PHKB: variants seen among roughly 807,000 people sequenced by gnomAD.
The protein encoded by PHKB is phosphorylase b kinase regulatory subunit beta.
In PHKB, 122 loss-of-function variants were observed where a neutral mutation model predicts 152.1. The observed-to-expected ratio is 0.80, with a 90% CI of 0.69 to 0.93. PHKB has a LOEUF of 0.93. PHKB is among the 40% of genes least tolerant of loss of function. The probability of loss-of-function intolerance (pLI) is 0.00; values close to 1 mark genes in which losing one functional copy is unlikely to be tolerated. For synonymous variants in PHKB, 436 were observed against 464.9 expected (o/e 0.94, Z 0.80); for missense variants, 1,304 against 1,328.4 (o/e 0.98, Z 0.29).
chr16:47,568,950 A>G lies in PHKB; in HGVS notation c.711-11345A>G, dbSNP rs111986127. Among the ~76,000 whole-genome samples the G allele has an allele frequency of 3.9e-3, 598 of 152,318 alleles. 4 individuals carry two copies. Among genetic ancestry groups the G allele is most frequent in the African/African-American group, 0.013 (550 of 41,576 alleles). On this transcript the variant is annotated intron_variant, in intron 7 of 30. Transcript: ENST00000323584. The stretch of plus-strand genomic sequence containing the variant: ...TGTGTTGTGTCCTGTTATATGGTCT[A>G]TCTTGGAAAATGTTCCATGTGCTGA...
At chr16:47,510,728 T>C (rs1046864324) in intron 4 of PHKB, among the ~76,000 whole-genome samples, 1 of 152,138 alleles carries the variant, frequency 6.6e-6, no homozygotes, top group African/African-American at 2.4e-5. Context: ...AGAAGAAGAA[T>C]TTTTAAAGAT....
rs1444574324 is a variant in PHKB at position 47,505,719 on chromosome 16, CAT to C, written c.405+2632_405+2633del. Among the ~76,000 whole-genome samples, 9 of 152,212 alleles carry C rather than the reference CAT, an allele frequency of 5.9e-5. No homozygotes were observed. The East Asian group carries it at 1.7e-3, about 29-fold the overall frequency. ...TTTTGTTTATTTTTTATCATACAAA[CAT>C]ATTGTTTTAATTTGCACTTGAAAAT... On this transcript the variant is annotated intron_variant, in intron 4 of 30. Transcript: ENST00000323584.
intron 6 of PHKB, among the ~76,000 whole-genome samples, chr16:47,543,853 T>C (rs978076566): frequency 6.6e-6 from 1 of 152,202 alleles, no homozygotes; most frequent in Non-Finnish European, 1.5e-5. Context: ...GATATCCCCT[T>C]TATCATTTTT....
chr16:47,670,493 GT>G (rs909757697), intron 26 of PHKB, among the ~76,000 whole-genome samples: 47 of 151,922 alleles, frequency 3.1e-4, no homozygotes, highest in African/African-American at 1.1e-3. Context: ...TTATGTAGTT[GT>G]TTTTTGTTTT....
At chr16:47,578,002 AT>A (rs1032372479) in intron 7 of PHKB, among the ~76,000 whole-genome samples, 3 of 151,742 alleles carry the variant, frequency 2.0e-5, no homozygotes, top group Admixed American at 2.0e-4. Flanking sequence ...GGCGCTGATC[AT>A]TTTTTTCCAT....
chr16:47,464,054 G>A (rs905012022), intron 1 of PHKB: 14 of 1,067,822 alleles, frequency 1.3e-5, no homozygotes, highest in African/African-American at 1.2e-4. Context: ...GTTTCTGAAG[G>A]TTGATTTCAC....
Position 47,479,415 on chromosome 16 carries a change from C to A in PHKB, c.77-17984C>A, listed in dbSNP as rs528211467. ...GTCTAATTTTGATCTCTGGCATCTT[C>A]AACATCTCACACCCTCTCTTCTTCC... On this transcript the variant is annotated intron_variant, in intron 1 of 30. Transcript: ENST00000323584. Among the ~76,000 whole-genome samples, 124 of 152,028 alleles carry A rather than the reference C, an allele frequency of 8.2e-4. 1 individual carries two copies. Among genetic ancestry groups the A allele is most frequent in the African/African-American group, 2.8e-3 (118 of 41,484 alleles).
intron 27 of PHKB, among the ~76,000 whole-genome samples, chr16:47,692,276 G>C (rs1974074214): frequency 1.3e-5 from 2 of 152,084 alleles, no homozygotes; most frequent in Non-Finnish European, 2.9e-5. Flanking sequence ...CCTTGTAATT[G>C]AGTATACATT....
chr16:47,473,289 G>T (rs1037799775), intron 1 of PHKB, among the ~76,000 whole-genome samples: 2 of 129,130 alleles, frequency 1.5e-5, no homozygotes, highest in African/African-American at 5.9e-5. Context: ...TGCCCAGGCT[G>T]GTCTGGAACT....
chr16:47,541,475 A>T (rs1971057310), intron 6 of PHKB, among the ~76,000 whole-genome samples: 1 of 152,188 alleles, frequency 6.6e-6, no homozygotes, highest in Non-Finnish European at 1.5e-5. Flanking sequence ...ATGTGTCTTT[A>T]TAGTAGCATG....
At chr16:47,525,482 A>G (rs908150324) in intron 6 of PHKB, among the ~76,000 whole-genome samples, 3 of 152,198 alleles carry the variant, frequency 2.0e-5, no homozygotes, top group Admixed American at 6.5e-5. Flanking sequence ...ATGACTGTCA[A>G]TCTGAATTGA....
At chr16:47,547,379 G>A (rs761303355) in intron 6 of PHKB, 54 bp from the exon 7 acceptor site, 49 of 1,092,352 alleles carry the variant, frequency 4.5e-5, no homozygotes, top group Admixed American at 2.4e-4. Flanking sequence ...CACCACACCC[G>A]GCCTATGTCC....
At chr16:47,505,923 C>A (rs1970408141) in intron 4 of PHKB, among the ~76,000 whole-genome samples, 1 of 150,218 alleles carries the variant, frequency 6.7e-6, no homozygotes, top group African/African-American at 2.5e-5. Context: ...GTCCCACCTG[C>A]TCAGGAAGCT....
At chr16:47,675,757 C>T (rs771642980) in intron 26 of PHKB, 3 of 152,224 alleles carry the variant, frequency 2.0e-5, no homozygotes, top group African/African-American at 7.2e-5. Context: ...CATGATGTCA[C>T]CTCTCCGTCA....
chr16:47,575,193 T>A (rs1022890831), intron 7 of PHKB, among the ~76,000 whole-genome samples: 1 of 152,190 alleles, frequency 6.6e-6, no homozygotes, highest in Non-Finnish European at 1.5e-5. Context: ...TATTAAAAAG[T>A]CAAAAACTAA....
In PHKB at chr16:47,578,905, C is replaced by A. The variant is rs1301899986; in HGVS notation, c.711-1390C>A. 2.0e-5 allele frequency among the ~76,000 whole-genome samples: 3 copies of A among 151,850 alleles called. No homozygotes were observed. The East Asian group carries it at 5.8e-4, about 29-fold the overall frequency. ...TTATTTTTGCTAGGCTGCTCTTCTC[C>A]TGTCCTTTGGCTAGAGAGACAGGCT... is the stretch of plus-strand genomic sequence containing the variant. On this transcript the variant is annotated intron_variant, in intron 7 of 30. Coordinates refer to ENST00000323584, the MANE Select transcript of PHKB (RefSeq NM_000293.3).
chr16:47,483,427 C>T (rs1969999975), intron 1 of PHKB, among the ~76,000 whole-genome samples: 1 of 152,098 alleles, frequency 6.6e-6, no homozygotes, highest in Admixed American at 6.5e-5. Flanking sequence ...TGAACTAAGA[C>T]TCTGTCATTT....
At chr16:47,627,561 C>A (rs1259036967) in intron 14 of PHKB, among the ~76,000 whole-genome samples, 1 of 152,140 alleles carries the variant, frequency 6.6e-6, no homozygotes, top group Admixed American at 6.5e-5. Flanking sequence ...TGTTTGAGGT[C>A]TGGGAATACT....
intron 7 of PHKB, among the ~76,000 whole-genome samples, chr16:47,552,505 T>A (rs1288556200): frequency 6.6e-6 from 1 of 152,198 alleles, no homozygotes; most frequent in Non-Finnish European, 1.5e-5. Context: ...AATTCTGGGT[T>A]TAAAATTCTT....
Sources: gnomAD v4.1 joint callset for allele counts (sites outside exome capture counted in the v4.1 genomes callset) on GRCh38, gnomAD v4.1.1 for gene constraint, MANE v1.5 for transcripts, NCBI Gene and HGNC (gene_info 2026-07-23, HGNC 2026-07-21) for gene names.